The following CIT variants were observed in gnomAD, a reference collection of about 807,000 sequenced individuals.
CIT encodes citron Rho-interacting kinase.
A neutral mutation model predicts 272.7 loss-of-function variants in CIT; 79 were observed. The ratio of observed to expected loss-of-function variants is 0.29; its 90% CI spans 0.24 to 0.35. The LOEUF is 0.35. Ranked by LOEUF, CIT falls within the 10% of genes least tolerant of loss-of-function variation. The probability of loss-of-function intolerance (pLI) is 1.00; values close to 1 mark genes in which losing one functional copy is unlikely to be tolerated. For missense variants in CIT, 1,909 were observed against 2,618.3 expected (o/e 0.73, Z 5.91); for synonymous variants, 948 against 995.6 (o/e 0.95, Z 0.90).
chr12:119,734,484 G>T, intron 25 of CIT, 127 bp from the exon 26 acceptor site: 1 of 999,764 alleles, frequency 1.0e-6, no homozygotes, highest in Non-Finnish European at 1.5e-6. Context: ...TTTGTCTTTT[G>T]CTTCTGCAGC....
chr12:119,717,414 CTTTTCTTTTTT>C (rs1423604815), intron 32 of CIT, among the ~76,000 whole-genome samples: 1 of 109,446 alleles, frequency 9.1e-6, no homozygotes, highest in Admixed American at 1.0e-4. Context: ...TTTTTCTTTT[CTTTTCTTTTTT>C]TTTTTTTTTT....
chr12:119,868,850 T>C (rs1950586224), intron 3 of CIT, among the ~76,000 whole-genome samples: 1 of 152,186 alleles, frequency 6.6e-6, no homozygotes, highest in Non-Finnish European at 1.5e-5. Context: ...AATTCAGTCT[T>C]TGAATTAAGT....
In CIT at chr12:119,784,140, G is replaced by A. The variant is rs376921265; in HGVS notation, c.1402-89C>T. Reference sequence around the variant, plus strand: ...CAAGTAGCCTCCGAAACCACCTGGTGGTCTGGGCTAAGGCTAATTCGCCAA... The same window carrying A: ...CAAGTAGCCTCCGAAACCACCTGGTAGTCTGGGCTAAGGCTAATTCGCCAA... On this transcript the variant is annotated intron_variant, in intron 11 of 47. Coordinates refer to ENST00000392521, the MANE Select transcript of CIT (RefSeq NM_001206999.2). This position sits in a 1 kb window ranked among gnomAD's most constrained non-coding sequence, Gnocchi z 4.7. 5 of 1,612,298 alleles carry A rather than the reference G, an allele frequency of 3.1e-6. No individual in the cohort carries two copies. The African/African-American group carries it at 4.0e-5, about 13-fold the overall frequency.
rs1482489106 is a variant in CIT, at chr12:119,822,821, G to A, written c.1110C>T (p.Asn370=). 3.1e-6 allele frequency: 5 copies of A among 1,613,952 alleles called. No individual in the cohort carries two copies. The highest frequency in any genetic ancestry group is 1.1e-5 in the South Asian group (1 of 91,032). The change falls in exon 9 of 48, where the codon AAC becomes AAT. Residue 370 remains asparagine (N), a splice_region_variant and synonymous_variant. Coordinates refer to ENST00000392521, the MANE Select transcript of CIT (RefSeq NM_001206999.2). ...ATTAAGGAAAACAGCCCTACTTACA[G>A]TTACGAATGTTGTTCCAGTCAATTT... ...FSKIDWNNIR[N]SPPPFVPTLK...
At chr12:119,692,285 A>AAAAACT (rs760555328) in intron 46 of CIT, among the ~76,000 whole-genome samples, 8 of 152,270 alleles carry the variant, frequency 5.3e-5, no homozygotes, top group Non-Finnish European at 1.0e-4. Flanking sequence ...CCCGCTTCTA[A>AAAAACT]AAAACTAAAA....
At chr12:119,790,848 C>T (rs1352405950) in intron 10 of CIT, among the ~76,000 whole-genome samples, 1 of 152,162 alleles carries the variant, frequency 6.6e-6, no homozygotes, top group African/African-American at 2.4e-5. Flanking sequence ...AGAAACTCTG[C>T]TGCAGTGGCC....
intron 27 of CIT, among the ~76,000 whole-genome samples, chr12:119,730,138 C>G (rs1190703849): frequency 1.3e-5 from 2 of 152,084 alleles, no homozygotes. Flanking sequence ...GTCACTGCCA[C>G]CAAGAACTTC....
Position 119,721,060 on chromosome 12 carries a change from G to A in CIT, c.3732+249C>T, listed in dbSNP as rs150453375. Among the ~76,000 whole-genome samples the A allele has an allele frequency of 0.012, 1,864 of 152,182 alleles. 30 individuals carry two copies. The highest frequency in any genetic ancestry group is 0.042 in the African/African-American group (1,748 of 41,516). ...CAGCCCACTGCAACCTCCACCTCCC[G>A]GGTTCAAGCCATTCTCCTTCCTCAG... On this transcript the variant is annotated intron_variant, in intron 29 of 47. Coordinates refer to ENST00000392521, the MANE Select transcript of CIT (RefSeq NM_001206999.2).
rs751746356 is a variant in CIT, at chr12:119,710,658, C to A, written c.4855-38G>T. ...GAAAGAAAAGAAAAACAGAAGACAT[C>A]GTGAGGCTGATCTGTTTATGACCAA... On this transcript the variant is annotated intron_variant, in intron 37 of 47. Transcript: ENST00000392521. This position sits in a 1 kb window ranked among gnomAD's most constrained non-coding sequence, Gnocchi z 5.6. 15 of 1,573,902 alleles carry A rather than the reference C, an allele frequency of 9.5e-6. No homozygotes were observed. The highest frequency in any genetic ancestry group is 1.3e-5 in the Non-Finnish European group (15 of 1,143,470).
At position 119,710,924 on chromosome 12, in the gene CIT, C is replaced by T; in HGVS notation, c.4855-304G>A. The T allele has an allele frequency of 2.6e-6, 2 of 755,924 alleles. No homozygotes were observed. The highest frequency in any genetic ancestry group is 4.1e-6 in the Non-Finnish European group (2 of 490,708). The allele number at this position is 755,924 out of a possible 1,614,324, so 46.8% of individuals were successfully genotyped here. On this transcript the variant is annotated intron_variant, in intron 37 of 47. Transcript: ENST00000392521. This position sits in a 1 kb window ranked among gnomAD's most constrained non-coding sequence, Gnocchi z 5.6. ...TTCTGTAATAAGAAATAAGCTGAAG[C>T]TAAGGAGATTTCACCTGCGCAGGGT...
At chr12:119,847,477 C>T (rs952782246) in intron 5 of CIT, among the ~76,000 whole-genome samples, 2 of 152,056 alleles carry the variant, frequency 1.3e-5, no homozygotes, top group African/African-American at 2.4e-5. Flanking sequence ...GCCTGTAGTC[C>T]CAGCTACACA....
intron 12 of CIT, 122 bp downstream of exon 12, chr12:119,783,786 T>C: frequency 8.0e-7 from 1 of 1,247,976 alleles, no homozygotes; most frequent in Non-Finnish European, 1.1e-6. Context: ...TTTTGTGCTC[T>C]CCCTCTCTCT....
intron 23 of CIT, among the ~76,000 whole-genome samples, chr12:119,747,079 A>C (rs1257265166): frequency 6.6e-6 from 1 of 152,204 alleles, no homozygotes; most frequent in Non-Finnish European, 1.5e-5. Context: ...TGAGGACCCC[A>C]AAGAGCTCTT....
chr12:119,783,822 C>A, intron 12 of CIT, 86 bp downstream of exon 12: 1 of 1,447,750 alleles, frequency 6.9e-7, no homozygotes, highest in Non-Finnish European at 9.3e-7. Flanking sequence ...CTGTGATGTG[C>A]CTCATGGAGC....
intron 9 of CIT, among the ~76,000 whole-genome samples, chr12:119,817,605 C>T (rs1425098244): frequency 6.6e-6 from 1 of 152,126 alleles, no homozygotes; most frequent in Non-Finnish European, 1.5e-5. Context: ...AGCAATTTAA[C>T]AGGACTACAG....
chr12:119,708,161 A>T lies in CIT; in HGVS notation c.5211+18T>A, dbSNP rs1292712409. The T allele has an allele frequency of 6.5e-7, 1 of 1,532,282 alleles. No individual in the cohort carries two copies. Among genetic ancestry groups the T allele is most frequent in the Admixed American group, 2.0e-5 (1 of 49,762 alleles). 94.9% of individuals were successfully genotyped at this position (1,532,282 alleles called of 1,614,324 possible). On this transcript the variant is annotated intron_variant, in intron 40 of 47. Coordinates refer to ENST00000392521, the MANE Select transcript of CIT (RefSeq NM_001206999.2). ...TTTCCAGAACATTCCACCAGCTAGGACTCTGAGGGGAGCTTACCTTGCCTG... is the reference window on the plus strand; with the variant it reads ...TTTCCAGAACATTCCACCAGCTAGGTCTCTGAGGGGAGCTTACCTTGCCTG...
At position 119,690,265 on chromosome 12, in the gene CIT, G is replaced by A. The variant is rs776685358; in HGVS notation, c.6072C>T (p.Pro2024=). The change falls in exon 47 of 48, where the codon CCC becomes CCT. Residue 2024 remains proline, a synonymous_variant. Coordinates refer to ENST00000392521, the MANE Select transcript of CIT (RefSeq NM_001206999.2). The surrounding 1 kb of genome is among the most constrained non-coding windows in gnomAD (Gnocchi z 6.0). The part of the protein sequence containing the change: ...PGRPLEREKS[P]GRMLSTRRER... ...CTCTCCGCGTGCTGAGCATCCGGCCGGGGGACTTCTCTCGCTCCAGGGGGC... is the reference window on the plus strand; with the variant it reads ...CTCTCCGCGTGCTGAGCATCCGGCCAGGGGACTTCTCTCGCTCCAGGGGGC... 8.3e-6 allele frequency: 13 copies of A among 1,575,740 alleles called. No individual in the cohort carries two copies. In the African/African-American group the frequency reaches 9.6e-5, roughly 12 times the overall value.
intron 8 of CIT, among the ~76,000 whole-genome samples, chr12:119,824,478 T>C (rs185551945): frequency 2.0e-5 from 3 of 152,338 alleles, no homozygotes; most frequent in Admixed American, 1.3e-4. Context: ...AAAAATATCA[T>C]AGACTCATTG....
chr12:119,700,977 C>CT (rs1156694442), intron 43 of CIT, 152 bp from the exon 44 acceptor site: 1 of 445,086 alleles, frequency 2.2e-6, no homozygotes, highest in East Asian at 3.4e-5. Context: ...GCTGAGCCAG[C>CT]TCTCAGCTTT....
Sources: gnomAD v4.1 joint callset for allele counts (sites outside exome capture counted in the v4.1 genomes callset) on GRCh38, gnomAD v4.1.1 for gene constraint, Gnocchi (gnomAD v3.1) non-coding constraint, MANE v1.5 for transcripts, NCBI Gene and HGNC (gene_info 2026-07-23, HGNC 2026-07-21) for gene names.